HPSE2: variants seen among roughly 807,000 people sequenced by gnomAD.
HPSE2 encodes heparanase 2 (inactive).
HPSE2 carries 38 observed loss-of-function variants against 60.5 expected under a neutral mutation model. The observed-to-expected ratio is 0.63, with a 90% confidence interval of 0.48 to 0.82. The LOEUF is 0.82. Among genes scored for constraint, HPSE2 ranks in the 40% least tolerant of loss-of-function variants. HPSE2 has a pLI of 0.00. For synonymous variants in HPSE2, 295 were observed against 293.2 expected (o/e 1.01, Z -0.06); for missense variants, 713 against 740.4 (o/e 0.96, Z 0.43).
At chr10:98,499,462 C>T (rs4127215) in intron 9 of HPSE2, among the ~76,000 whole-genome samples, 37,800 of 151,952 alleles carry the variant, frequency 0.25, 5,183 homozygotes, top group East Asian at 0.41. Flanking sequence ...TAAGAGAATT[C>T]GCCACTACCA....
intron 11 of HPSE2, among the ~76,000 whole-genome samples, chr10:98,462,154 TTTG>T (rs1365722870): frequency 3.3e-5 from 5 of 152,158 alleles, no homozygotes; most frequent in Non-Finnish European, 4.4e-5. Flanking sequence ...ATATGGTGTT[TTTG>T]TTGTTGTTGT....
intron 3 of HPSE2, among the ~76,000 whole-genome samples, chr10:98,944,814 C>T (rs185105654): frequency 6.6e-6 from 1 of 152,130 alleles, no homozygotes; most frequent in Admixed American, 6.5e-5. Flanking sequence ...CATCCTTGAC[C>T]TTTTTAAGTT....
chr10:98,816,118 C>T (rs58933138), intron 3 of HPSE2, among the ~76,000 whole-genome samples: 2,036 of 151,176 alleles, frequency 0.013, 39 homozygotes, highest in African/African-American at 0.046. Flanking sequence ...ACATGGCACA[C>T]GTATACATAT....
rs1358126093 is a variant in HPSE2, at chr10:98,660,001, A to AT, written c.1005-18062dup. 3.9e-5 allele frequency among the ~76,000 whole-genome samples: 6 copies of AT among 152,094 alleles called. No homozygotes were observed. In the East Asian group the frequency reaches 5.8e-4, roughly 15 times the overall value. On this transcript the variant is annotated intron_variant, in intron 6 of 11. Transcript: ENST00000370552. ...AGCTAAGGATGGGAAAAGTTAAACT[A>AT]TTTTTTCAATTAAACTTTGGTTGCA...
intron 9 of HPSE2, among the ~76,000 whole-genome samples, chr10:98,493,228 C>T (rs1212560591): frequency 6.6e-6 from 1 of 152,148 alleles, no homozygotes; most frequent in Non-Finnish European, 1.5e-5. Flanking sequence ...TAACACATGG[C>T]TTATCCTGCA....
the HPSE2 span, among the ~76,000 whole-genome samples, chr10:99,305,016 G>T: frequency 6.6e-6 from 1 of 152,192 alleles, no homozygotes; most frequent in East Asian, 1.9e-4. Context: ...CTTGAATACA[G>T]CCATGGCAGG....
chr10:98,629,235 C>T (rs1303442205), intron 7 of HPSE2, among the ~76,000 whole-genome samples: 1 of 152,190 alleles, frequency 6.6e-6, no homozygotes, highest in African/African-American at 2.4e-5. Flanking sequence ...GAAGCTGGAG[C>T]CCATTAATTC....
intron 2 of HPSE2, among the ~76,000 whole-genome samples, chr10:99,149,756 C>A (rs1489221650): frequency 6.6e-6 from 1 of 151,906 alleles, no homozygotes; most frequent in Non-Finnish European, 1.5e-5. Context: ...CTTTATCAGA[C>A]ATAATACAAA....
the HPSE2 span, among the ~76,000 whole-genome samples, chr10:99,285,559 A>C: frequency 1.4e-5 from 2 of 142,470 alleles, no homozygotes; most frequent in Non-Finnish European, 3.1e-5. Flanking sequence ...GAGGGAGGGG[A>C]AGGGAAAGGT....
At chr10:99,185,899 G>A (rs1359739497) in intron 2 of HPSE2, among the ~76,000 whole-genome samples, 1 of 151,980 alleles carries the variant, frequency 6.6e-6, no homozygotes, top group Non-Finnish European at 1.5e-5. Flanking sequence ...TAAATGAAAT[G>A]CAAAGAGGAA....
chr10:99,034,285 T>G (rs1201921267), intron 3 of HPSE2, among the ~76,000 whole-genome samples: 1 of 152,190 alleles, frequency 6.6e-6, no homozygotes, highest in Non-Finnish European at 1.5e-5. Context: ...TCCATTTATA[T>G]GACGTTGGAA....
intron 5 of HPSE2, among the ~76,000 whole-genome samples, 158 bp from the exon 6 acceptor site, chr10:98,694,105 T>C (rs1342141569): frequency 6.6e-6 from 1 of 152,156 alleles, no homozygotes; most frequent in Non-Finnish European, 1.5e-5. Context: ...GACACAGCTA[T>C]TGGAGGTCAA....
intron 9 of HPSE2, among the ~76,000 whole-genome samples, chr10:98,592,681 C>T (rs1030845431): frequency 6.6e-6 from 1 of 152,102 alleles, no homozygotes; most frequent in Non-Finnish European, 1.5e-5. Context: ...AATCCACATG[C>T]TTATGATTAA....
intron 9 of HPSE2, among the ~76,000 whole-genome samples, chr10:98,595,163 G>A (rs893113913): frequency 8.0e-6 from 1 of 124,940 alleles, no homozygotes. Flanking sequence ...TTATAAATGA[G>A]ATTTTTTTTT....
intron 9 of HPSE2, among the ~76,000 whole-genome samples, chr10:98,603,177 CA>C (rs1945477097): frequency 6.6e-6 from 1 of 152,164 alleles, no homozygotes; most frequent in South Asian, 2.1e-4. Context: ...GAGAGACAGA[CA>C]GACAAATACA....
chr10:98,907,924 T>C (rs1953869120), intron 3 of HPSE2, among the ~76,000 whole-genome samples: 1 of 152,206 alleles, frequency 6.6e-6, no homozygotes, highest in Non-Finnish European at 1.5e-5. Flanking sequence ...TCTTTCACCA[T>C]TGTAGTTAAG....
Position 99,014,392 on chromosome 10 carries a change from T to C in HPSE2, c.610+129846A>G, listed in dbSNP as rs1957087949. Among the ~76,000 whole-genome samples, 3 of 152,356 alleles carry C rather than the reference T, an allele frequency of 2.0e-5. No homozygotes were observed. The South Asian group carries it at 6.2e-4, about 32-fold the overall frequency. ...TAGGTTGATTCCATGTCTTTGCTAT[T>C]GTGAATAGTGTTGCAATGAACATGT... is the stretch of plus-strand genomic sequence containing the variant. On this transcript the variant is annotated intron_variant, in intron 3 of 11. Transcript: ENST00000370552.
chr10:99,230,841 A>G (rs567990025), intron 2 of HPSE2, among the ~76,000 whole-genome samples: 3 of 152,340 alleles, frequency 2.0e-5, no homozygotes, highest in African/African-American at 7.2e-5. Context: ...CATTAATATC[A>G]GAAAAACCAT....
At chr10:98,498,676 CAGG>C (rs1484496899) in intron 9 of HPSE2, among the ~76,000 whole-genome samples, 2 of 152,062 alleles carry the variant, frequency 1.3e-5, no homozygotes, top group Non-Finnish European at 1.5e-5. Flanking sequence ...AAAAAGAATT[CAGG>C]AGGTTAGTTA....
Sources: allele counts gnomAD v4.1 joint callset (sites outside exome capture counted in the v4.1 genomes callset), GRCh38; gene constraint gnomAD v4.1.1; transcripts MANE v1.5; gene names NCBI Gene and HGNC (gene_info 2026-07-23, HGNC 2026-07-21).